The following BNC2 variants were observed in gnomAD, a reference collection of about 807,000 sequenced individuals.
BNC2 encodes basonuclin zinc finger protein 2.
In BNC2, 20 loss-of-function variants were observed where a neutral mutation model predicts 76.3. The observed-to-expected ratio is 0.26, with a 90% CI of 0.18 to 0.38. The LOEUF is 0.38. Among genes scored for constraint, BNC2 ranks in the 10% least tolerant of loss-of-function variants. The probability of loss-of-function intolerance (pLI) is 1.00; values close to 1 mark genes in which losing one functional copy is unlikely to be tolerated. For synonymous variants in BNC2, 582 were observed against 514.8 expected (o/e 1.13, Z -1.77); for missense variants, 1,382 against 1,399.8 (o/e 0.99, Z 0.20).
At chr9:16,785,458 G>A (rs1004887451) in intron 1 of BNC2, among the ~76,000 whole-genome samples, 1 of 151,722 alleles carries the variant, frequency 6.6e-6, no homozygotes, top group Non-Finnish European at 1.5e-5. Flanking sequence ...GCAGTGGCTC[G>A]TTATTGCCTA....
chr9:16,655,197 C>T lies in BNC2; in HGVS notation c.331-72112G>A, dbSNP rs926999105. 6.6e-5 allele frequency among the ~76,000 whole-genome samples: 10 copies of T among 151,958 alleles called. 1 individual carries two copies. The South Asian group carries it at 2.1e-3, about 32-fold the overall frequency. ...AAAACTGGGGGAGGGAAAATCATTA[C>T]GATACAGCATAAAGGAAATATTAAA... On this transcript the variant is annotated intron_variant, in intron 3 of 6. Coordinates refer to ENST00000380672, the MANE Select transcript of BNC2 (RefSeq NM_017637.6).
chr9:16,801,702 A>G (rs937556984), intron 1 of BNC2, among the ~76,000 whole-genome samples: 6 of 147,926 alleles, frequency 4.1e-5, no homozygotes, highest in African/African-American at 1.5e-4. Flanking sequence ...AGAAGCTGAA[A>G]TATTTTATTC....
chr9:16,843,079 A>G (rs918659939), intron 1 of BNC2, among the ~76,000 whole-genome samples: 3 of 152,198 alleles, frequency 2.0e-5, no homozygotes, highest in Non-Finnish European at 4.4e-5. Flanking sequence ...CACTTTAAAA[A>G]GTTGAGGGTA....
In BNC2 at chr9:16,707,196, C is replaced by T. The variant is rs563207584; in HGVS notation, c.330+20601G>A. ...CAGCCTGGGCAACAGAGCAAGACTC[C>T]GCCCCCCCGCCAAAAAAAAACAACA... is the stretch of plus-strand genomic sequence containing the variant. On this transcript the variant is annotated intron_variant, in intron 3 of 6. Transcript: ENST00000380672. Among the ~76,000 whole-genome samples the T allele has an allele frequency of 8.6e-5, 13 of 150,374 alleles. No individual in the cohort carries two copies. The South Asian group carries it at 1.3e-3, about 15-fold the overall frequency.
At chr9:16,442,552 T>C (rs1469227186) in intron 5 of BNC2, among the ~76,000 whole-genome samples, 5 of 152,162 alleles carry the variant, frequency 3.3e-5, no homozygotes, top group African/African-American at 9.6e-5. Context: ...GTTTCCCTTA[T>C]TGGGAAAGAG....
At chr9:16,758,331 C>A (rs1825448712) in intron 1 of BNC2, among the ~76,000 whole-genome samples, 1 of 128,572 alleles carries the variant, frequency 7.8e-6, no homozygotes, top group South Asian at 2.9e-4. Flanking sequence ...GCCGCGTTTG[C>A]AAAGTCCCTT....
intron 1 of BNC2, among the ~76,000 whole-genome samples, chr9:16,809,962 G>A (rs1818004815): frequency 6.6e-6 from 1 of 152,030 alleles, no homozygotes; most frequent in African/African-American, 2.4e-5. Flanking sequence ...ATGGTCCATT[G>A]ATGGTCCTGA....
At chr9:16,699,405 T>C (rs1036209222) in intron 3 of BNC2, among the ~76,000 whole-genome samples, 3 of 152,248 alleles carry the variant, frequency 2.0e-5, no homozygotes, top group African/African-American at 4.8e-5. Context: ...TTTAGAATTA[T>C]GCTGCTCAGT....
chr9:16,443,278 C>CA (rs1160976795), intron 5 of BNC2, among the ~76,000 whole-genome samples: 2 of 152,068 alleles, frequency 1.3e-5, no homozygotes, highest in Non-Finnish European at 2.9e-5. Flanking sequence ...AAAACAAAAT[C>CA]AGAGGTTTGT....
intron 1 of BNC2, among the ~76,000 whole-genome samples, chr9:16,759,817 G>A (rs915504097): frequency 6.6e-5 from 10 of 151,352 alleles, no homozygotes; most frequent in East Asian, 2.0e-4. Flanking sequence ...TCCGCCTCCC[G>A]GGTTCACACC....
chr9:16,491,472 A>C (rs1294089055), intron 5 of BNC2, among the ~76,000 whole-genome samples: 1 of 152,228 alleles, frequency 6.6e-6, no homozygotes, highest in Non-Finnish European at 1.5e-5. Flanking sequence ...AAAAACACAC[A>C]TAAAACTCCT....
intron 3 of BNC2, among the ~76,000 whole-genome samples, chr9:16,632,245 C>A (rs1449644236): frequency 6.6e-6 from 1 of 152,014 alleles, no homozygotes; most frequent in Non-Finnish European, 1.5e-5. Flanking sequence ...TACTGAACCC[C>A]TTCTATGTTT....
At chr9:16,785,584 G>A (rs1273688309) in intron 1 of BNC2, among the ~76,000 whole-genome samples, 1 of 145,240 alleles carries the variant, frequency 6.9e-6, no homozygotes, top group Non-Finnish European at 1.5e-5. Context: ...TTTTAGTAGA[G>A]GTGAGGTTTC....
chr9:16,434,124 G>A (rs551914323), intron 6 of BNC2, among the ~76,000 whole-genome samples: 1 of 151,926 alleles, frequency 6.6e-6, no homozygotes, highest in Admixed American at 6.6e-5. Context: ...TTAAAAAAAT[G>A]GTTTCTCCTC....
At chr9:16,673,087 TAGGTGAC>T (rs1476662180) in intron 3 of BNC2, among the ~76,000 whole-genome samples, 1 of 152,162 alleles carries the variant, frequency 6.6e-6, no homozygotes, top group Non-Finnish European at 1.5e-5. Context: ...TTCTGCTCTT[TAGGTGAC>T]AGGAGTGCAT....
chr9:16,614,284 A>C (rs922346298), intron 3 of BNC2, among the ~76,000 whole-genome samples: 5 of 117,136 alleles, frequency 4.3e-5, no homozygotes, highest in African/African-American at 1.4e-4. Flanking sequence ...TATTACTGTC[A>C]TAAAGACCTT....
At chr9:16,774,236 G>C (rs1235627140) in intron 1 of BNC2, among the ~76,000 whole-genome samples, 1 of 152,146 alleles carries the variant, frequency 6.6e-6, no homozygotes, top group African/African-American at 2.4e-5. Flanking sequence ...CCCCACCTCA[G>C]CCTCCCAAAG....
chr9:16,770,565 T>A (rs1825806393), intron 1 of BNC2, among the ~76,000 whole-genome samples: 1 of 151,914 alleles, frequency 6.6e-6, no homozygotes, highest in Non-Finnish European at 1.5e-5. Flanking sequence ...TGGTAACCAA[T>A]CACCCAGGGG....
intron 3 of BNC2, among the ~76,000 whole-genome samples, chr9:16,587,196 A>C (rs958564782): frequency 2.0e-5 from 2 of 101,106 alleles, no homozygotes; most frequent in Non-Finnish European, 4.0e-5. Context: ...ACTGACTAGG[A>C]ATCTTTTTTT....
Sources: gnomAD v4.1 joint callset for allele counts (sites outside exome capture counted in the v4.1 genomes callset) on GRCh38, gnomAD v4.1.1 for gene constraint, MANE v1.5 for transcripts, NCBI Gene and HGNC (gene_info 2026-07-23, HGNC 2026-07-21) for gene names.